DIP2C: variants seen among roughly 807,000 people sequenced by gnomAD.
DIP2C encodes disco-interacting protein 2 homolog C.
Under a neutral mutation model 192.4 loss-of-function variants are expected in DIP2C, and 33 were observed. The observed-to-expected ratio is 0.17, with a 90% CI of 0.13 to 0.23. The LOEUF is 0.23. DIP2C is among the 10% of genes least tolerant of loss of function. DIP2C has a pLI of 1.00. For missense variants in DIP2C, 1,537 were observed against 2,110.1 expected, an observed-to-expected ratio of 0.73 and a Z score of 5.32; for synonymous variants, 979 against 864.1, an observed-to-expected ratio of 1.13 and a Z score of -2.33.
At chr10:429,138 C>T (rs886730710) in intron 4 of DIP2C, among the ~76,000 whole-genome samples, 1 of 152,078 alleles carries the variant, frequency 6.6e-6, no homozygotes, top group Non-Finnish European at 1.5e-5. Context: ...ATGTATCCAC[C>T]ATCACAGTAT....
At chr10:371,772 G>C (rs7080493) in intron 17 of DIP2C, among the ~76,000 whole-genome samples, 149,385 of 151,610 alleles carry the variant, frequency 0.99, 73,631 homozygotes, top group Middle Eastern at 1. Flanking sequence ...CCCTCAGCAC[G>C]TCCAGACGCC....
In DIP2C at chr10:284,892, C is replaced by T. The variant is rs185303196; in HGVS notation, c.4119+1381G>A. ...AACCTCATAAAGCGGAAAAAACACA[C>T]ATTCTTAATAAGAAAGTCACCCTGG... is the stretch of plus-strand genomic sequence containing the variant. On this transcript the variant is annotated intron_variant, in intron 34 of 36. Coordinates refer to ENST00000280886, the MANE Select transcript of DIP2C (RefSeq NM_014974.3). Among the ~76,000 whole-genome samples, 398 of 152,244 alleles carry T rather than the reference C, an allele frequency of 2.6e-3. 3 individuals are homozygous for T. Among genetic ancestry groups the T allele is most frequent in the African/African-American group, 9.1e-3 (376 of 41,538 alleles).
At chr10:370,859 ATAT>A (rs1377338753) in intron 17 of DIP2C, among the ~76,000 whole-genome samples, 4 of 152,254 alleles carry the variant, frequency 2.6e-5, no homozygotes, top group African/African-American at 9.6e-5. Flanking sequence ...ATAAAAGTTA[ATAT>A]TTGGAAAAGG....
At chr10:535,822 C>T (rs1226472891) in intron 1 of DIP2C, among the ~76,000 whole-genome samples, 1 of 152,202 alleles carries the variant, frequency 6.6e-6, no homozygotes, top group African/African-American at 2.4e-5. Flanking sequence ...AATACGACAC[C>T]TTGGGTCACA....
intron 4 of DIP2C, chr10:438,005 AT>A (rs1564712308): frequency 6.6e-6 from 1 of 152,236 alleles, no homozygotes. Context: ...GGAGTAAAAA[AT>A]TTTTATGATA....
intron 4 of DIP2C, among the ~76,000 whole-genome samples, chr10:424,988 G>A (rs185047562): frequency 1.7e-4 from 24 of 141,510 alleles, no homozygotes; most frequent in South Asian, 4.5e-4. Context: ...AATACGACAC[G>A]GATGATACAG....
intron 1 of DIP2C, among the ~76,000 whole-genome samples, chr10:520,251 C>G (rs1846609458): frequency 6.6e-6 from 1 of 152,114 alleles, no homozygotes; most frequent in Non-Finnish European, 1.5e-5. Flanking sequence ...GCAGGGAGGG[C>G]CGCGCTCTGG....
At position 689,147 on chromosome 10, in the gene DIP2C, C is replaced by T. The variant is rs1304814973; in HGVS notation, c.85+347G>A. Among the ~76,000 whole-genome samples the T allele has an allele frequency of 1.3e-5, 2 of 151,934 alleles. No individual in the cohort carries two copies. Among genetic ancestry groups the T allele is most frequent in the African/African-American group, 4.8e-5 (2 of 41,422 alleles). On this transcript the variant is annotated intron_variant, in intron 1 of 36. Transcript: ENST00000280886. This position sits in a 1 kb window ranked among gnomAD's most constrained non-coding sequence, Gnocchi z 6.1. Reference sequence around the variant, plus strand: ...GCGGCGCCCAGGCCCCACAGACACCCCCAGGGCGCGGGGGGATCGCGGCCC... The same window carrying T: ...GCGGCGCCCAGGCCCCACAGACACCTCCAGGGCGCGGGGGGATCGCGGCCC...
At chr10:382,156 T>C (rs1394598317) in intron 17 of DIP2C, among the ~76,000 whole-genome samples, 1 of 152,216 alleles carries the variant, frequency 6.6e-6, no homozygotes, top group Non-Finnish European at 1.5e-5. Flanking sequence ...TTACCTACTT[T>C]AAATTTCACT....
intron 1 of DIP2C, among the ~76,000 whole-genome samples, chr10:540,634 G>A (rs1371206117): frequency 2.0e-5 from 3 of 152,196 alleles, no homozygotes; most frequent in Admixed American, 6.5e-5. Flanking sequence ...GGCGGTGATC[G>A]TGGCATGACA....
At chr10:304,771 TCACA>T (rs1156380492) in intron 32 of DIP2C, among the ~76,000 whole-genome samples, 1 of 150,486 alleles carries the variant, frequency 6.6e-6, no homozygotes, top group African/African-American at 2.4e-5. Context: ...TACACTACAC[TCACA>T]CATGCAAACT....
intron 1 of DIP2C, among the ~76,000 whole-genome samples, chr10:528,347 C>T (rs1248623001): frequency 1.3e-5 from 2 of 150,604 alleles, no homozygotes; most frequent in Non-Finnish European, 3.0e-5. Context: ...GAAAGCAGAC[C>T]GCCCGCTGCC....
intron 4 of DIP2C, among the ~76,000 whole-genome samples, chr10:431,234 T>C (rs1255689635): frequency 6.6e-6 from 1 of 152,116 alleles, no homozygotes; most frequent in East Asian, 1.9e-4. Context: ...AGTGTGTTGA[T>C]ATTGAAAAAA....
intron 1 of DIP2C, among the ~76,000 whole-genome samples, chr10:677,230 A>G (rs1588752064): frequency 6.6e-6 from 1 of 152,274 alleles, no homozygotes; most frequent in East Asian, 1.9e-4. Context: ...CACTGGCACC[A>G]AGTCTTGTTT....
intron 4 of DIP2C, among the ~76,000 whole-genome samples, chr10:432,757 A>T (rs961456840): frequency 6.6e-6 from 1 of 152,098 alleles, no homozygotes; most frequent in Non-Finnish European, 1.5e-5. Flanking sequence ...TTGATTTCAG[A>T]TCTTTTTTAA....
rs372598587 is a variant in DIP2C at position 418,359 on chromosome 10, G to A, written c.739+706C>T. ...GGGGCTCTGATAGGCCTCCCTGTCC[G>A]CCTGTGAGTCCCGTGCACCGCAAGA... On this transcript the variant is annotated intron_variant, in intron 6 of 36. Coordinates refer to ENST00000280886, the MANE Select transcript of DIP2C (RefSeq NM_014974.3). Among the ~76,000 whole-genome samples, 928 of 149,502 alleles carry A rather than the reference G, an allele frequency of 6.2e-3. 5 individuals carry two copies. The highest frequency in any genetic ancestry group is 0.017 in the African/African-American group (715 of 40,894).
At chr10:367,280 A>ATG in intron 18 of DIP2C, among the ~76,000 whole-genome samples, 1 of 152,182 alleles carries the variant, frequency 6.6e-6, no homozygotes, top group Non-Finnish European at 1.5e-5. Flanking sequence ...AGCCGGGCGC[A>ATG]GTGGCGGGCG....
At chr10:533,524 C>G (rs1295151957) in intron 1 of DIP2C, among the ~76,000 whole-genome samples, 1 of 151,996 alleles carries the variant, frequency 6.6e-6, no homozygotes, top group Non-Finnish European at 1.5e-5. Context: ...GTTTAGAGTG[C>G]CAGTGTGTTC....
At chr10:604,806 T>C (rs1464647731) in intron 1 of DIP2C, among the ~76,000 whole-genome samples, 1 of 152,166 alleles carries the variant, frequency 6.6e-6, no homozygotes, top group Non-Finnish European at 1.5e-5. Flanking sequence ...TAAGCATGAT[T>C]TTCTTCTGGC....
Sources: allele counts gnomAD v4.1 joint callset (sites outside exome capture counted in the v4.1 genomes callset), GRCh38; gene constraint gnomAD v4.1.1; non-coding constraint Gnocchi (gnomAD v3.1); transcripts MANE v1.5; gene names NCBI Gene and HGNC (gene_info 2026-07-23, HGNC 2026-07-21).